Variants in GPC2 observed in about 807,000 individuals in gnomAD.
GPC2 encodes the protein glypican-2.
In GPC2, 42 loss-of-function variants were observed where a neutral mutation model predicts 57.3. That is an observed-to-expected ratio of 0.73 (90% CI 0.57 to 0.95). The LOEUF (loss-of-function observed/expected upper bound fraction) is 0.95. Among genes scored for constraint, GPC2 ranks in the 40% least tolerant of loss-of-function variants. GPC2 has a pLI of 0.00. For missense variants in GPC2, 745 were observed against 793.6 expected (o/e 0.94, Z 0.74); for synonymous variants, 364 against 343.4 (o/e 1.06, Z -0.66).
At chr7:100,174,209 T>A in intron 4 of GPC2, 1 of 515,136 alleles carries the variant, frequency 1.9e-6, no homozygotes, top group Non-Finnish European at 3.4e-6. Flanking sequence ...AGAGAGGCAG[T>A]TAGGGGTGGA....
Position 100,177,289 on chromosome 7 carries a change from C to T in GPC2, c.-90G>A. ...GGAATCCGGTACTCGGCCGCGGGAC[C>T]GCTCCGCGGGCCAGAGAAAGAGCGC... On this transcript the variant is annotated 5_prime_UTR_variant, in exon 1 of 10. Coordinates refer to ENST00000292377, the MANE Select transcript of GPC2 (RefSeq NM_152742.3). The T allele has an allele frequency of 8.6e-7, 1 of 1,163,160 alleles. No individual in the cohort carries two copies. Among genetic ancestry groups the T allele is most frequent in the Non-Finnish European group, 1.2e-6 (1 of 841,574 alleles). 72.1% of individuals were successfully genotyped at this position (1,163,160 alleles called of 1,614,324 possible).
In GPC2 at chr7:100,172,136, G is replaced by A. The variant is rs879274019; in HGVS notation, c.974C>T (p.Ser325Leu). The change falls in exon 6 of 10, where the codon TCG becomes TTG. Residue 325 changes from serine (S) to leucine (L), a missense_variant. By Grantham distance (145) the Ser-to-Leu change is moderately radical. Around this residue, in one of 2 missense-constraint regions of GPC2, gnomAD observed 607 missense variants for 603.9 expected, o/e 1.01. Coordinates refer to ENST00000292377, the MANE Select transcript of GPC2 (RefSeq NM_152742.3). ...LTAESIGVKI[S>L]EGLMYLQENS... ...TTCCTGCAGGTACATCAAACCCTCC[G>A]AGATCTTCACCCCAATGGACTCGGC... 1.9e-6 allele frequency: 3 copies of A among 1,613,926 alleles called. No individual in the cohort carries two copies. The highest frequency in any genetic ancestry group is 1.1e-5 in the South Asian group (1 of 91,060).
At chr7:100,174,107 T>G in intron 4 of GPC2, 110 bp from the exon 5 acceptor site, 12 of 986,742 alleles carry the variant, frequency 1.2e-5, no homozygotes, top group Non-Finnish European at 1.6e-5. Context: ...CACCTAGGGT[T>G]GGTGACCCCA....
intron 2 of GPC2, 78 bp from the exon 3 acceptor site, chr7:100,175,972 A>C: frequency 8.5e-7 from 1 of 1,182,782 alleles, no homozygotes; most frequent in East Asian, 2.4e-5. Flanking sequence ...CAGAGGCAGG[A>C]GGAGATGGGA....
At position 100,171,861 on chromosome 7, in the gene GPC2, C is replaced by A. The variant is rs776341060; in HGVS notation, c.1088G>T (p.Arg363Leu). 4 of 1,536,270 alleles carry A rather than the reference C, an allele frequency of 2.6e-6. No individual in the cohort carries two copies. In the African/African-American group the frequency reaches 4.1e-5, roughly 16 times the overall value. Residue 363 changes from arginine to leucine, a missense_variant, in exon 7 of 10, where the codon CGG becomes CTG. Coordinates refer to ENST00000292377, the MANE Select transcript of GPC2 (RefSeq NM_152742.3). The surrounding 1 kb of genome is among the most constrained non-coding windows in gnomAD (Gnocchi z 4.8). ...PARNRRAPPPREEAGRLWSMV... is the reference protein window; with the variant it reads ...PARNRRAPPPLEEAGRLWSMV... ...CGACCACAGCCGGCCCGCCTCTTCC[C>A]GGGGCGGCGGGGCTCGACGGTTGCG...
Position 100,169,905 on chromosome 7 carries a change from A to G in GPC2, c.*325T>C, listed in dbSNP as rs1799147849. ...CCTTCAAACCCCTTCCCCAGCTGCAACTCTAAACTCCTCATTTTCTCTGTT... is the reference window on the plus strand; with the variant it reads ...CCTTCAAACCCCTTCCCCAGCTGCAGCTCTAAACTCCTCATTTTCTCTGTT... On this transcript the variant is annotated 3_prime_UTR_variant, in exon 10 of 10. Coordinates refer to ENST00000292377, the MANE Select transcript of GPC2 (RefSeq NM_152742.3). The G allele has an allele frequency of 5.6e-6, 1 of 177,866 alleles. No individual in the cohort carries two copies. Among genetic ancestry groups the G allele is most frequent in the African/African-American group, 2.4e-5 (1 of 41,238 alleles). 11.0% of individuals were successfully genotyped at this position (177,866 alleles called of 1,614,324 possible). A position where few individuals can be genotyped will look rare whatever the true frequency, so the allele number is the denominator to read the frequency against.
rs1267757847 is a variant in GPC2 at position 100,171,676 on chromosome 7, C to G, written c.1173G>C (p.Val391=). 1.4e-5 allele frequency: 21 copies of G among 1,495,950 alleles called. No individual in the cohort carries two copies. Among genetic ancestry groups the G allele is most frequent in the Non-Finnish European group, 1.9e-5 (21 of 1,133,302 alleles). 92.7% of individuals were successfully genotyped at this position (1,495,950 alleles called of 1,614,324 possible). Reference sequence around the variant, plus strand: ...GGGCCAGACGCTCGCGGAGCTCCCACACCTGGGCGGGCGAGAGGGGGCGGG... The same window carrying G: ...GGGCCAGACGCTCGCGGAGCTCCCAGACCTGGGCGGGCGAGAGGGGGCGGG... The part of the protein sequence containing the change: ...TAAGTNLHRL[V]WELRERLARM... The change falls in exon 8 of 10, where the codon GTG becomes GTC. Residue 391 remains valine (V), a splice_region_variant and synonymous_variant. Transcript: ENST00000292377. The surrounding 1 kb of genome is among the most constrained non-coding windows in gnomAD (Gnocchi z 4.8).
Position 100,172,685 on chromosome 7 carries a change from GTA to G in GPC2, c.893-470_893-469del, listed in dbSNP as rs753976401. On this transcript the variant is annotated intron_variant, in intron 5 of 9. Coordinates refer to ENST00000292377, the MANE Select transcript of GPC2 (RefSeq NM_152742.3). ...TATATATATATATGTGTGTGTGTGT[GTA>G]TATATATATACGTGTATATATATGT... 3.3e-3 allele frequency among the ~76,000 whole-genome samples: 346 copies of G among 105,018 alleles called. 1 individual carries two copies. The highest frequency in any genetic ancestry group is 5.9e-3 in the Non-Finnish European group (261 of 44,208). 68.9% of individuals were successfully genotyped at this position (105,018 alleles called of 152,430 possible).
Position 100,171,221 on chromosome 7 carries a change from C to T in GPC2, c.1486+40G>A, listed in dbSNP as rs1799170048. 1 of 1,490,316 alleles carries T rather than the reference C, an allele frequency of 6.7e-7. No individual in the cohort carries two copies. The highest frequency in any genetic ancestry group is 9.0e-7 in the Non-Finnish European group (1 of 1,116,740). The allele number at this position is 1,490,316 out of a possible 1,614,324, so 92.3% of individuals were successfully genotyped here. On this transcript the variant is annotated intron_variant, in intron 9 of 9. Coordinates refer to ENST00000292377, the MANE Select transcript of GPC2 (RefSeq NM_152742.3). The surrounding 1 kb of genome is among the most constrained non-coding windows in gnomAD (Gnocchi z 4.8). ...CCAGGAGAGGGGAGAGGCTTCAGGG[C>T]AGTGGGCGGGGCTCAGGCTCAGGGA... is the stretch of plus-strand genomic sequence containing the variant.
rs747256964 is a variant in GPC2 at position 100,171,519 on chromosome 7, C to T, written c.1310+20G>A. The T allele has an allele frequency of 7.3e-7, 1 of 1,362,014 alleles. No homozygotes were observed. The highest frequency in any genetic ancestry group is 9.4e-7 in the Non-Finnish European group (1 of 1,065,336). 84.4% of individuals were successfully genotyped at this position (1,362,014 alleles called of 1,614,324 possible). On this transcript the variant is annotated intron_variant, in intron 8 of 9. Coordinates refer to ENST00000292377, the MANE Select transcript of GPC2 (RefSeq NM_152742.3). The surrounding 1 kb of genome is among the most constrained non-coding windows in gnomAD (Gnocchi z 4.8). Reference sequence around the variant, plus strand: ...CCGCGGTCCCGCCCCCTGCTGCCCCCCGACGCCCCCGAGGCTCACCGGCCC... The same window carrying T: ...CCGCGGTCCCGCCCCCTGCTGCCCCTCGACGCCCCCGAGGCTCACCGGCCC...
chr7:100,172,832 TA>T (rs1415934641), intron 5 of GPC2, among the ~76,000 whole-genome samples: 1 of 149,578 alleles, frequency 6.7e-6, no homozygotes. Flanking sequence ...TATATATATA[TA>T]TTTTTTTCCG....
chr7:100,171,505 C>G lies in GPC2; in HGVS notation c.1310+34G>C. 7.4e-7 allele frequency: 1 copy of G among 1,350,554 alleles called. No homozygotes were observed. Among genetic ancestry groups the G allele is most frequent in the Non-Finnish European group, 9.4e-7 (1 of 1,058,914 alleles). 83.7% of individuals were successfully genotyped at this position (1,350,554 alleles called of 1,614,324 possible). A position where few individuals can be genotyped will look rare whatever the true frequency, so the allele number is the denominator to read the frequency against. On this transcript the variant is annotated intron_variant, in intron 8 of 9. Transcript: ENST00000292377. This position sits in a 1 kb window ranked among gnomAD's most constrained non-coding sequence, Gnocchi z 4.8. ...CCCGCCCCTCCCGGCCGCGGTCCCG[C>G]CCCCTGCTGCCCCCCGACGCCCCCG...
chr7:100,176,407 C>T (rs143960699), intron 1 of GPC2, 42 bp from the exon 2 acceptor site: 5 of 1,571,558 alleles, frequency 3.2e-6, no homozygotes, highest in Non-Finnish European at 2.6e-6. Context: ...AAGTGATATC[C>T]TAAAATCCCT....
rs1266392013 is a variant in GPC2 at position 100,171,604 on chromosome 7, G to C, written c.1245C>G (p.Asp415Glu). ...WARLSLTVCGDSRMAADASLE... is the reference protein window; with the variant it reads ...WARLSLTVCGESRMAADASLE... ...GCGAGGCGTCCGCTGCCATGCGAGA[G>C]TCTCCGCACACCGTCAGGGACAGCC... Residue 415 changes from aspartate (D) to glutamate (E), a missense_variant, in exon 8 of 10, where the codon GAC (aspartate) becomes GAG (glutamate). By Grantham distance (45) the Asp-to-Glu change is conservative (BLOSUM62 2). This residue lies in a region of GPC2 where 607 missense variants were observed against 603.9 expected (regional missense o/e 1.01). Coordinates refer to ENST00000292377, the MANE Select transcript of GPC2 (RefSeq NM_152742.3). This position sits in a 1 kb window ranked among gnomAD's most constrained non-coding sequence, Gnocchi z 4.8. The C allele has an allele frequency of 3.3e-6, 5 of 1,528,820 alleles. No individual in the cohort carries two copies. The Admixed American group carries it at 1.0e-4, about 30-fold the overall frequency. 94.7% of individuals were successfully genotyped at this position (1,528,820 alleles called of 1,614,324 possible).
chr7:100,170,423 G>A lies in GPC2; in HGVS notation c.1547C>T (p.Ala516Val). 6.2e-7 allele frequency: 1 copy of A among 1,608,186 alleles called. No individual in the cohort carries two copies. ...AGGAGGCCGGGCTGGGGGAGCCACA[G>A]CCCCAGCCATCCAGTCATCTGCATA... ...QQYADDWMAG[A>V]VAPPARPPRP... is the part of the protein sequence containing the mutation. The change falls in exon 10 of 10, where the codon GCT becomes GTT. Residue 516 changes from alanine (A) to valine (V), a missense_variant. Ala to Val is a moderately conservative substitution (Grantham distance 64). Coordinates refer to ENST00000292377, the MANE Select transcript of GPC2 (RefSeq NM_152742.3).
chr7:100,172,767 A>G (rs565647094), intron 5 of GPC2, among the ~76,000 whole-genome samples: 23 of 142,902 alleles, frequency 1.6e-4, no homozygotes, highest in African/African-American at 5.3e-4. Flanking sequence ...ATGTGTGTAT[A>G]TATATATGTG....
intron 5 of GPC2, among the ~76,000 whole-genome samples, chr7:100,172,848 A>C (rs1799208856): frequency 6.7e-6 from 1 of 148,988 alleles, no homozygotes; most frequent in Non-Finnish European, 1.5e-5. Flanking sequence ...TTTCCGGTAG[A>C]GAAGGGGTTT....
At position 100,171,321 on chromosome 7, in the gene GPC2, C is replaced by G; in HGVS notation, c.1426G>C (p.Ala476Pro). 6.5e-7 allele frequency: 1 copy of G among 1,544,252 alleles called. No homozygotes were observed. The highest frequency in any genetic ancestry group is 8.7e-7 in the Non-Finnish European group (1 of 1,144,308). The change falls in exon 9 of 10, where the codon GCG (alanine) becomes CCG (proline). Residue 476 changes from alanine to proline, a missense_variant. By Grantham distance (27) the Ala-to-Pro change is conservative. Coordinates refer to ENST00000292377, the MANE Select transcript of GPC2 (RefSeq NM_152742.3). The surrounding 1 kb of genome is among the most constrained non-coding windows in gnomAD (Gnocchi z 4.8). Reference protein sequence around the residue: ...PTRRRRLQLRAATARMKTAAL... With the variant: ...PTRRRRLQLRPATARMKTAAL... ...GCCGTTTTCATTCTGGCCGTGGCCG[C>G]CCGGAGCTGTAGCCGACGCCGCCGT...
rs1562958547 is a variant in GPC2 at position 100,175,704 on chromosome 7, C to T, written c.516G>A (p.Glu172=). The T allele has an allele frequency of 1.9e-6, 3 of 1,614,150 alleles. No individual in the cohort carries two copies. The highest frequency in any genetic ancestry group is 3.3e-5 in the Admixed American group (2 of 60,020). The part of the protein sequence containing the change: ...TLADFWAQLL[E]RVFPLLHPQY... Reference sequence around the variant, plus strand: ...GTGGGTGCAGCAGCGGGAACACTCTCTCCAGGAGCTGTGCCCAGAAATCCG... The same window carrying T: ...GTGGGTGCAGCAGCGGGAACACTCTTTCCAGGAGCTGTGCCCAGAAATCCG... The change falls in exon 3 of 10, where the codon GAG becomes GAA. Residue 172 remains glutamate, a synonymous_variant. Transcript: ENST00000292377.
Sources: allele counts gnomAD v4.1 joint callset (sites outside exome capture counted in the v4.1 genomes callset), GRCh38; gene constraint gnomAD v4.1.1; regional missense constraint gnomAD v4.1.1; non-coding constraint Gnocchi (gnomAD v3.1); transcripts MANE v1.5; gene names NCBI Gene and HGNC (gene_info 2026-07-23, HGNC 2026-07-21).